Variants in CFAP210 observed in about 807,000 individuals in gnomAD.
The protein encoded by CFAP210 is cilia and flagella associated protein 210, also known as cilia- and flagella- associated protein 210.
At chr2:169,675,102 A>T in the CFAP210 span, 1 of 1,172,832 alleles carries the variant, frequency 8.5e-7, no homozygotes, top group Non-Finnish European at 1.1e-6. Context: ...CTACAGTTTA[A>T]CATAATAATA....
At chr2:169,653,037 T>A in the CFAP210 span, among the ~76,000 whole-genome samples, 488 of 31,684 alleles carry the variant, frequency 0.015, 5 homozygotes, top group East Asian at 0.02. Context: ...AAAATATATA[T>A]ATATATATAT....
the CFAP210 span, among the ~76,000 whole-genome samples, chr2:169,664,258 A>G: frequency 3.3e-5 from 5 of 152,110 alleles, no homozygotes; most frequent in Non-Finnish European, 7.4e-5. Flanking sequence ...CTAAGACCAG[A>G]AGCTTTCAAA....
the CFAP210 span, among the ~76,000 whole-genome samples, chr2:169,669,600 T>C: frequency 6.6e-6 from 1 of 151,946 alleles, no homozygotes; most frequent in South Asian, 2.1e-4. Flanking sequence ...TCAACATGAA[T>C]TGCTGAGAGA....
the CFAP210 span, among the ~76,000 whole-genome samples, chr2:169,669,818 A>G: frequency 6.6e-6 from 1 of 151,928 alleles, no homozygotes; most frequent in Non-Finnish European, 1.5e-5. Context: ...CTGGAAATCA[A>G]TAATTCTGTG....
chr2:169,650,491 A>C, the CFAP210 span: 1 of 1,580,266 alleles, frequency 6.3e-7, no homozygotes. Context: ...TCAGGAAGTT[A>C]TGTATTCTTT....
the CFAP210 span, among the ~76,000 whole-genome samples, chr2:169,684,655 G>A: frequency 4.9e-5 from 4 of 81,832 alleles, no homozygotes; most frequent in Non-Finnish European, 9.2e-5. Context: ...TTTCGTTGTT[G>A]TTGTTGTTGT....
the CFAP210 span, among the ~76,000 whole-genome samples, chr2:169,676,609 C>T: frequency 1.3e-5 from 2 of 152,046 alleles, no homozygotes. Flanking sequence ...TATAGTTTTG[C>T]TTTTTTCAGA....
At chr2:169,673,505 T>G in the CFAP210 span, among the ~76,000 whole-genome samples, 2 of 152,184 alleles carry the variant, frequency 1.3e-5, no homozygotes, top group Admixed American at 1.3e-4. Context: ...AAGGACTGAA[T>G]TGAAAAATAC....
the CFAP210 span, among the ~76,000 whole-genome samples, chr2:169,653,073 T>G: frequency 1.6e-5 from 2 of 122,802 alleles, no homozygotes; most frequent in East Asian, 2.2e-4. Flanking sequence ...TATATGTATG[T>G]GTGTATATAT....
chr2:169,662,144 T>C, the CFAP210 span: 1 of 843,752 alleles, frequency 1.2e-6, no homozygotes, highest in Non-Finnish European at 1.9e-6. Context: ...TTCCCTTACT[T>C]GATCATTACA....
the CFAP210 span, among the ~76,000 whole-genome samples, chr2:169,662,711 T>C: frequency 2.0e-5 from 3 of 152,236 alleles, no homozygotes; most frequent in Admixed American, 6.5e-5. Flanking sequence ...GTTAATGGGA[T>C]GACAGTAAGA....
chr2:169,653,720 T>A, the CFAP210 span, among the ~76,000 whole-genome samples: 130 of 152,296 alleles, frequency 8.5e-4, no homozygotes, highest in Non-Finnish European at 2.4e-4. Flanking sequence ...GTCTTCGTGT[T>A]ATCTTCTTTT....
chr2:169,692,777 A>G, the CFAP210 span, among the ~76,000 whole-genome samples: 62,006 of 152,070 alleles, frequency 0.41, 12,922 homozygotes, highest in Non-Finnish European at 0.44. Flanking sequence ...GGAACTATCA[A>G]ACATGTCGAA....
the CFAP210 span, among the ~76,000 whole-genome samples, chr2:169,689,577 T>C: frequency 6.6e-6 from 1 of 152,218 alleles, no homozygotes; most frequent in Non-Finnish European, 1.5e-5. Flanking sequence ...GTTTTATTTC[T>C]TCCTTTCCAA....
At chr2:169,680,673 G>A in the CFAP210 span, among the ~76,000 whole-genome samples, 11 of 152,126 alleles carry the variant, frequency 7.2e-5, no homozygotes, top group Non-Finnish European at 1.3e-4. Context: ...GAAGCAGATC[G>A]GTGGTTACCT....
chr2:169,675,976 T>G, the CFAP210 span, among the ~76,000 whole-genome samples: 4 of 152,228 alleles, frequency 2.6e-5, no homozygotes, highest in African/African-American at 9.6e-5. Context: ...CTGAAGATAT[T>G]CTATTATTTA....
chr2:169,680,118 A>G, the CFAP210 span, among the ~76,000 whole-genome samples: 1 of 152,216 alleles, frequency 6.6e-6, no homozygotes, highest in Non-Finnish European at 1.5e-5. Flanking sequence ...ATACATCAAC[A>G]AAGAAGATAT....
chr2:169,645,800 T>C, the CFAP210 span: 1 of 1,283,784 alleles, frequency 7.8e-7, no homozygotes, highest in Non-Finnish European at 1.1e-6. Context: ...AGCTCATATA[T>C]GCTACAACTT....
At chr2:169,692,721 G>A in the CFAP210 span, among the ~76,000 whole-genome samples, 2 of 152,286 alleles carry the variant, frequency 1.3e-5, no homozygotes, top group South Asian at 4.1e-4. Flanking sequence ...TGGTGAGTTT[G>A]AAGTCAGACT....
Sources: gnomAD v4.1 joint callset for allele counts (sites outside exome capture counted in the v4.1 genomes callset) on GRCh38, gnomAD v4.1.1 for gene constraint, MANE v1.5 for transcripts, NCBI Gene and HGNC (gene_info 2026-07-23, HGNC 2026-07-21) for gene names.